SEPHS1: variants seen among roughly 807,000 people sequenced by gnomAD.
SEPHS1 encodes selenophosphate synthetase 1, also known as zincore component SEPHS1.
SEPHS1 carries 7 observed loss-of-function variants against 39.2 expected under a neutral mutation model. That is an observed-to-expected ratio of 0.18 (90% confidence interval 0.10 to 0.34). SEPHS1 has a LOEUF of 0.34. SEPHS1 is among the 10% of genes least tolerant of loss of function. The pLI is 1.00. For missense variants in SEPHS1, 253 were observed against 514.5 expected, an observed-to-expected ratio of 0.49 and a Z score of 4.92; for synonymous variants, 190 against 195.5, an observed-to-expected ratio of 0.97 and a Z score of 0.23.
rs558005499 is a variant in SEPHS1, at chr10:13,331,192, C to T, written c.561-1404G>A. 1.2e-4 allele frequency among the ~76,000 whole-genome samples: 18 copies of T among 152,304 alleles called. No homozygotes were observed. The East Asian group carries it at 1.5e-3, about 13-fold the overall frequency. ...TCCTTTTTTACGGCTGCGTAGTATT[C>T]CACGGTGTGTATGTGCCACATTTTC... On this transcript the variant is annotated intron_variant, in intron 5 of 8. Coordinates refer to ENST00000327347, the MANE Select transcript of SEPHS1 (RefSeq NM_012247.5).
At chr10:13,345,308 C>G (rs1478568773) in intron 1 of SEPHS1, 1 of 173,850 alleles carries the variant, frequency 5.8e-6, no homozygotes, top group African/African-American at 2.4e-5. Flanking sequence ...CCACCTTGAA[C>G]AGCAAATCCC....
chr10:13,347,750 C>T (rs1833971410), intron 1 of SEPHS1, among the ~76,000 whole-genome samples: 1 of 136,704 alleles, frequency 7.3e-6, no homozygotes, highest in Non-Finnish European at 1.7e-5. Context: ...CCGCTCCTCC[C>T]CGCCCTCCCT....
chr10:13,344,523 T>G (rs1411441300), intron 2 of SEPHS1, among the ~76,000 whole-genome samples: 1 of 149,674 alleles, frequency 6.7e-6, no homozygotes, highest in Admixed American at 6.7e-5. Context: ...CCACAAAAAT[T>G]AAAAAAAAAT....
chr10:13,338,324 C>T (rs1293539096), intron 3 of SEPHS1, among the ~76,000 whole-genome samples: 1 of 152,218 alleles, frequency 6.6e-6, no homozygotes, highest in Non-Finnish European at 1.5e-5. Flanking sequence ...AGGACAGTAA[C>T]ATCTCCAGCC....
intron 7 of SEPHS1, among the ~76,000 whole-genome samples, chr10:13,326,146 T>C (rs1037077941): frequency 1.3e-5 from 2 of 152,020 alleles, no homozygotes; most frequent in African/African-American, 4.8e-5. Flanking sequence ...AAAAGACTCT[T>C]TTCTCCAATG....
At chr10:13,336,398 C>T (rs1291498468) in intron 3 of SEPHS1, 48 bp from the exon 4 acceptor site, 1 of 1,382,602 alleles carries the variant, frequency 7.2e-7, no homozygotes. Flanking sequence ...GACTTTCCAT[C>T]TGCAGAAACT....
At chr10:13,337,892 C>G (rs1248734611) in intron 3 of SEPHS1, among the ~76,000 whole-genome samples, 1 of 152,202 alleles carries the variant, frequency 6.6e-6, no homozygotes, top group Non-Finnish European at 1.5e-5. Context: ...GTGAACACCC[C>G]CCACGTGGCT....
chr10:13,338,861 AT>A, intron 2 of SEPHS1, 53 bp from the exon 3 acceptor site: 1 of 1,277,658 alleles, frequency 7.8e-7, no homozygotes, highest in Non-Finnish European at 1.1e-6. Context: ...AAGCCATTTC[AT>A]TTTATATCAC....
chr10:13,328,406 A>G lies in SEPHS1; in HGVS notation c.696T>C (p.Asp232=). Residue 232 remains aspartate (D), a synonymous_variant, in exon 7 of 9, where the codon GAT becomes GAC. Coordinates refer to ENST00000327347, the MANE Select transcript of SEPHS1 (RefSeq NM_012247.5). Reference sequence around the variant, plus strand: ...TCGCCTCCTGGTAGGCCAGCTCTACATCTTCTTGGGTGACCACTAGTTTAA... The same window carrying G: ...TCGCCTCCTGGTAGGCCAGCTCTACGTCTTCTTGGGTGACCACTAGTTTAA... The part of the protein sequence containing the change: ...NKIKLVVTQE[D]VELAYQEAMM... The G allele has an allele frequency of 6.2e-7, 1 of 1,613,908 alleles. No homozygotes were observed. The highest frequency in any genetic ancestry group is 8.5e-7 in the Non-Finnish European group (1 of 1,179,828).
chr10:13,324,335 T>C (rs10752294), intron 7 of SEPHS1, among the ~76,000 whole-genome samples: 68,237 of 152,144 alleles, frequency 0.45, 17,152 homozygotes, highest in East Asian at 0.77. Flanking sequence ...TCCACTCACC[T>C]ACTGAAGAAA....
chr10:13,319,332 C>A lies in SEPHS1; in HGVS notation c.989G>T (p.Arg330Leu). 6.2e-7 allele frequency: 1 copy of A among 1,612,834 alleles called. No individual in the cohort carries two copies. The highest frequency in any genetic ancestry group is 8.5e-7 in the Non-Finnish European group (1 of 1,179,744). The stretch of plus-strand genomic sequence containing the variant: ...TGCACAGAACCGAGCTGCTTGCTCA[C>A]GTGGTAAACAGATCAGAAGGCCGCC... ...TSGGLLICLP[R>L]EQAARFCAEI... Residue 330 changes from arginine to leucine, a missense_variant, in exon 9 of 9, where the codon CGT (arginine) becomes CTT (leucine). Transcript: ENST00000327347.
chr10:13,342,190 C>A (rs1451775933), intron 2 of SEPHS1, among the ~76,000 whole-genome samples: 2 of 150,182 alleles, frequency 1.3e-5, no homozygotes, highest in African/African-American at 4.9e-5. Context: ...TGGCGTGAAC[C>A]TGGGAGGCGG....
intron 1 of SEPHS1, among the ~76,000 whole-genome samples, chr10:13,347,514 G>C (rs962402434): frequency 2.7e-4 from 39 of 146,484 alleles, no homozygotes; most frequent in Non-Finnish European, 4.7e-4. Context: ...GGCGGGAGCC[G>C]GCGGGCACCG....
chr10:13,320,662 G>A (rs1564440972), intron 8 of SEPHS1, among the ~76,000 whole-genome samples: 1 of 151,744 alleles, frequency 6.6e-6, no homozygotes, highest in Non-Finnish European at 1.5e-5. Context: ...TGGCCAACAT[G>A]GTAAAACCTC....
At chr10:13,325,916 A>T (rs1313353203) in intron 7 of SEPHS1, among the ~76,000 whole-genome samples, 10 of 73,796 alleles carry the variant, frequency 1.4e-4, no homozygotes, top group African/African-American at 8.2e-4. Flanking sequence ...AAAAAAAAAA[A>T]AAAAAAAAAA....
chr10:13,332,972 G>T (rs1417957409), intron 5 of SEPHS1, among the ~76,000 whole-genome samples: 1 of 152,090 alleles, frequency 6.6e-6, no homozygotes, highest in Non-Finnish European at 1.5e-5. Context: ...GATGGAGCAG[G>T]AGTGAACAGT....
chr10:13,335,454 A>T (rs957297196), intron 4 of SEPHS1, among the ~76,000 whole-genome samples: 3 of 149,628 alleles, frequency 2.0e-5, no homozygotes, highest in African/African-American at 7.4e-5. Context: ...TCACGAGCTC[A>T]GGAGTTCGAG....
intron 3 of SEPHS1, among the ~76,000 whole-genome samples, chr10:13,337,469 A>G (rs145314533): frequency 6.6e-6 from 1 of 152,350 alleles, no homozygotes; most frequent in Admixed American, 6.5e-5. Context: ...TGACATAAGG[A>G]TAATCAAACT....
chr10:13,329,321 A>G (rs1334714971), intron 6 of SEPHS1, among the ~76,000 whole-genome samples: 8 of 152,238 alleles, frequency 5.3e-5, no homozygotes, highest in Admixed American at 3.9e-4. Flanking sequence ...TAAACTGTCA[A>G]TAACCCTGGT....
Sources: allele counts gnomAD v4.1 joint callset (sites outside exome capture counted in the v4.1 genomes callset), GRCh38; gene constraint gnomAD v4.1.1; transcripts MANE v1.5; gene names NCBI Gene and HGNC (gene_info 2026-07-23, HGNC 2026-07-21).